USP54: variants seen among roughly 807,000 people sequenced by gnomAD.
USP54 encodes the protein ubiquitin specific peptidase 54.
In USP54, 87 loss-of-function variants were observed where a neutral mutation model predicts 170.5. That is an observed-to-expected ratio of 0.51 (90% CI 0.43 to 0.61). USP54 has a LOEUF of 0.61. Ranked by LOEUF, USP54 falls within the 20% of genes least tolerant of loss-of-function variation. The pLI, the probability that USP54 is intolerant of heterozygous loss-of-function variation, is 0.00. For missense variants in USP54, 1,786 were observed against 2,047.8 expected (o/e 0.87, Z 2.47); for synonymous variants, 655 against 742.8 (o/e 0.88, Z 1.92).
intron 4 of USP54, among the ~76,000 whole-genome samples, chr10:73,548,264 C>A (rs542425908): frequency 6.6e-6 from 1 of 152,286 alleles, no homozygotes; most frequent in African/African-American, 2.4e-5. Context: ...GAAATAGGAA[C>A]ACTTTTACAC....
chr10:73,603,365 A>G (rs182003781), intron 1 of USP54, among the ~76,000 whole-genome samples: 1 of 152,336 alleles, frequency 6.6e-6, no homozygotes, highest in East Asian at 1.9e-4. Context: ...AACCCATGAG[A>G]TGGGAGAAAA....
chr10:73,523,652 A>T lies in USP54; in HGVS notation c.2293T>A (p.Leu765Ile). ...QELRRKREKELEAAKGFNPHP... is the reference protein window; with the variant it reads ...QELRRKREKEIEAAKGFNPHP... ...GGGTTAAACCCTTTCGCTGCCTCTA[A>T]CTCCTTCTCCCGTTTTCTTCGAAGT... The change falls in exon 17 of 24, where the codon TTA becomes ATA. Residue 765 changes from leucine to isoleucine, a missense_variant. Coordinates refer to ENST00000687698, the MANE Select transcript of USP54 (RefSeq NM_001391956.1). 2.5e-6 allele frequency: 4 copies of T among 1,613,292 alleles called. No individual in the cohort carries two copies. Among genetic ancestry groups the T allele is most frequent in the Non-Finnish European group, 3.4e-6 (4 of 1,179,536 alleles).
At chr10:73,555,346 C>G (rs2070699086) in intron 4 of USP54, among the ~76,000 whole-genome samples, 1 of 152,122 alleles carries the variant, frequency 6.6e-6, no homozygotes, top group African/African-American at 2.4e-5. Flanking sequence ...ATTATCAATA[C>G]CATATCACCT....
intron 1 of USP54, among the ~76,000 whole-genome samples, chr10:73,622,635 A>G (rs1481933753): frequency 6.6e-6 from 1 of 152,022 alleles, no homozygotes; most frequent in Non-Finnish European, 1.5e-5. Context: ...GTATTTATTT[A>G]CATCTACAGT....
upstream of USP54, among the ~76,000 whole-genome samples, chr10:73,594,915 C>A (rs898951226): frequency 6.9e-6 from 1 of 145,658 alleles, no homozygotes; most frequent in Non-Finnish European, 1.5e-5. Flanking sequence ...TTTTTTTTAA[C>A]TTTTTTTTTT....
At chr10:73,603,065 G>A (rs1165565804) in intron 1 of USP54, among the ~76,000 whole-genome samples, 1 of 151,922 alleles carries the variant, frequency 6.6e-6, no homozygotes, top group Non-Finnish European at 1.5e-5. Context: ...GCCTTCCCCA[G>A]GACCTTTGCA....
At chr10:73,614,904 T>A (rs573852258) in intron 1 of USP54, among the ~76,000 whole-genome samples, 1 of 150,238 alleles carries the variant, frequency 6.7e-6, no homozygotes, top group South Asian at 2.1e-4. Flanking sequence ...TTTTAGCACA[T>A]CAACGGACAC....
At chr10:73,551,985 T>C (rs149270349) in intron 4 of USP54, among the ~76,000 whole-genome samples, 6 of 152,178 alleles carry the variant, frequency 3.9e-5, no homozygotes, top group African/African-American at 1.2e-4. Flanking sequence ...ATTAAGAAAA[T>C]AGTCACTCTA....
At chr10:73,585,838 T>C (rs2077414864) in intron 1 of USP54, among the ~76,000 whole-genome samples, 1 of 152,188 alleles carries the variant, frequency 6.6e-6, no homozygotes, top group South Asian at 2.1e-4. Context: ...CTGGCCAACA[T>C]GGTGAAACCC....
chr10:73,572,945 G>C (rs543249665), intron 3 of USP54, among the ~76,000 whole-genome samples: 2 of 152,214 alleles, frequency 1.3e-5, no homozygotes, highest in African/African-American at 4.8e-5. Flanking sequence ...TATTTTGCCT[G>C]CTTCTAAATC....
At chr10:73,575,173 C>T (rs11000716) in intron 3 of USP54, among the ~76,000 whole-genome samples, 2,267 of 151,374 alleles carry the variant, frequency 0.015, 64 homozygotes, top group African/African-American at 0.052. Flanking sequence ...TGCAGTGAGC[C>T]GAGATTGCGC....
At chr10:73,527,178 A>G (rs1259674726) in intron 15 of USP54, among the ~76,000 whole-genome samples, 1 of 152,210 alleles carries the variant, frequency 6.6e-6, no homozygotes, top group Non-Finnish European at 1.5e-5. Flanking sequence ...AGATATAATC[A>G]TGCTTTTCAA....
intron 1 of USP54, among the ~76,000 whole-genome samples, chr10:73,577,848 A>G (rs923324351): frequency 3.3e-5 from 5 of 152,182 alleles, no homozygotes; most frequent in African/African-American, 1.2e-4. Flanking sequence ...CACACAGACT[A>G]TAAGACCCTC....
chr10:73,591,310 T>C lies in USP54; in HGVS notation c.-614A>G, dbSNP rs928050437. 2 of 152,036 alleles carry C rather than the reference T, an allele frequency of 1.3e-5. No homozygotes were observed. Among genetic ancestry groups the C allele is most frequent in the Non-Finnish European group, 2.9e-5 (2 of 68,042 alleles). The allele number at this position is 152,036 out of a possible 1,614,324, so 9.4% of individuals were successfully genotyped here. A position where few individuals can be genotyped will look rare whatever the true frequency, so the allele number is the denominator to read the frequency against. On this transcript the variant is annotated 5_prime_UTR_variant, in exon 1 of 24. Coordinates refer to ENST00000687698, the MANE Select transcript of USP54 (RefSeq NM_001391956.1). The stretch of plus-strand genomic sequence containing the variant: ...CACAGTCAACCTCCAGCAAAAGACC[T>C]CTAATCACGAGGGTATCTGTGGGGC...
At chr10:73,518,718 ATT>A (rs772422371) in intron 19 of USP54, 39 of 130,910 alleles carry the variant, frequency 3.0e-4, no homozygotes, top group Admixed American at 6.2e-4. Flanking sequence ...TAGACCTGCA[ATT>A]TTTTTTTTTT....
chr10:73,541,308 T>G (rs932779599), intron 9 of USP54, 67 bp downstream of exon 9: 1 of 1,600,238 alleles, frequency 6.2e-7, no homozygotes, highest in African/African-American at 1.3e-5. Flanking sequence ...TGTCTAGTGC[T>G]CACTGCTCCT....
intron 1 of USP54, among the ~76,000 whole-genome samples, chr10:73,622,812 G>A (rs974106816): frequency 2.0e-5 from 3 of 151,916 alleles, no homozygotes; most frequent in Non-Finnish European, 2.9e-5. Context: ...AATTAGCCAA[G>A]CACCTGTAGT....
rs61761604 is a variant in USP54, at chr10:73,498,952, C to T, written c.4732G>A (p.Gly1578Ser). The T allele has an allele frequency of 4.5e-4, 723 of 1,614,028 alleles. No individual in the cohort carries two copies. The highest frequency in any genetic ancestry group is 5.7e-4 in the Non-Finnish European group (671 of 1,180,020). ...YTATLPERSK[G>S]LQVPHTQSWS... ...GACTGAGTGTGAGGAACCTGAAGGCCCTTGCTTCTTTCTGGTAGTGTGGCA... is the reference window on the plus strand; with the variant it reads ...GACTGAGTGTGAGGAACCTGAAGGCTCTTGCTTCTTTCTGGTAGTGTGGCA... The change falls in exon 24 of 24, where the codon GGC (glycine) becomes AGC (serine). Residue 1578 changes from glycine to serine, a missense_variant. By Grantham distance (56) the Gly-to-Ser change is moderately conservative. Transcript: ENST00000687698.
intron 4 of USP54, among the ~76,000 whole-genome samples, chr10:73,548,146 G>C (rs559666985): frequency 1.6e-4 from 24 of 152,160 alleles, no homozygotes; most frequent in Non-Finnish European, 3.2e-4. Context: ...ATCGTCACTG[G>C]TCATCAGAGA....
Sources: gnomAD v4.1 joint callset for allele counts (sites outside exome capture counted in the v4.1 genomes callset) on GRCh38, gnomAD v4.1.1 for gene constraint, MANE v1.5 for transcripts, NCBI Gene and HGNC (gene_info 2026-07-23, HGNC 2026-07-21) for gene names.